The following EYA1 variants were observed in gnomAD, a reference collection of about 807,000 sequenced individuals.
EYA1 encodes the protein EYA transcriptional coactivator and phosphatase 1, also known as protein phosphatase EYA1.
EYA1 carries 16 observed loss-of-function variants against 82.0 expected under a neutral mutation model. The ratio of observed to expected loss-of-function variants is 0.20; its 90% CI spans 0.13 to 0.30. The LOEUF (loss-of-function observed/expected upper bound fraction) is 0.30, where lower values mean the gene tolerates loss of function less well. EYA1 is among the 10% of genes least tolerant of loss of function. EYA1 has a pLI of 1.00. For missense variants in EYA1, 633 were observed against 730.7 expected (o/e 0.87, Z 1.54); for synonymous variants, 261 against 264.4 (o/e 0.99, Z 0.12).
At chr8:71,218,895 AAGG>A (rs35710186) in intron 12 of EYA1, among the ~76,000 whole-genome samples, 18,307 of 151,956 alleles carry the variant, frequency 0.12, 1,928 homozygotes, top group East Asian at 0.54. Context: ...AATGAACAAA[AAGG>A]AGGAGGAAGT....
chr8:71,263,046 C>T (rs987955053), intron 11 of EYA1, among the ~76,000 whole-genome samples: 5 of 152,198 alleles, frequency 3.3e-5, no homozygotes, highest in Admixed American at 6.5e-5. Context: ...GTCAGTGTGG[C>T]TAGAGCTGCA....
intron 2 of EYA1, among the ~76,000 whole-genome samples, chr8:71,485,854 A>AT (rs1225719711): frequency 1.3e-5 from 2 of 152,184 alleles, no homozygotes; most frequent in African/African-American, 2.4e-5. Context: ...CATGGATGGC[A>AT]TTTTTTATGA....
chr8:71,265,579 T>C (rs973512816), intron 11 of EYA1, among the ~76,000 whole-genome samples: 16 of 152,186 alleles, frequency 1.1e-4, no homozygotes, highest in African/African-American at 3.4e-4. Flanking sequence ...TGGGTAATCC[T>C]CCCACAGGAG....
chr8:71,423,273 A>C (rs944562703), intron 2 of EYA1, among the ~76,000 whole-genome samples: 1 of 152,240 alleles, frequency 6.6e-6, no homozygotes, highest in Non-Finnish European at 1.5e-5. Flanking sequence ...GATTGAATGG[A>C]AACAGCATAC....
At chr8:71,380,360 A>T (rs956662815) in intron 2 of EYA1, among the ~76,000 whole-genome samples, 4 of 152,168 alleles carry the variant, frequency 2.6e-5, no homozygotes, top group African/African-American at 9.7e-5. Flanking sequence ...CACGTAGCTC[A>T]TAGTTTTTAT....
chr8:71,241,856 A>G (rs1812516204), intron 12 of EYA1, among the ~76,000 whole-genome samples: 1 of 151,126 alleles, frequency 6.6e-6, no homozygotes, highest in Non-Finnish European at 1.5e-5. Context: ...TTTTATTTTG[A>G]AGAAAACATA....
In EYA1 at chr8:71,215,701, G is replaced by A. The variant is rs1201441499; in HGVS notation, c.1388C>T (p.Ala463Val). Residue 463 changes from alanine (A) to valine (V), a missense_variant, in exon 15 of 18, where the codon GCC becomes GTC. By Grantham distance (64) the Ala-to-Val change is moderately conservative. Transcript: ENST00000340726. The stretch of plus-strand genomic sequence containing the variant: ...AATTTCGGCCCTCAACTGCAGCCAG[G>A]CTTCCCTCTTAGCTGGACCAAGCAG... ...GGLLGPAKRE[A>V]WLQLRAEIEA... The A allele has an allele frequency of 6.2e-7, 1 of 1,614,046 alleles. No individual in the cohort carries two copies. Among genetic ancestry groups the A allele is most frequent in the Admixed American group, 1.7e-5 (1 of 60,010 alleles).
chr8:71,226,745 T>C (rs947987605), intron 12 of EYA1, among the ~76,000 whole-genome samples: 2 of 151,330 alleles, frequency 1.3e-5, no homozygotes, highest in Non-Finnish European at 3.0e-5. Flanking sequence ...TATCAATACT[T>C]GTAAATTTCT....
At chr8:71,326,291 C>T (rs1823133743) in intron 4 of EYA1, among the ~76,000 whole-genome samples, 1 of 152,166 alleles carries the variant, frequency 6.6e-6, no homozygotes, top group African/African-American at 2.4e-5. Flanking sequence ...TTCAGCCAAT[C>T]AGGTCAAAAG....
intron 2 of EYA1, among the ~76,000 whole-genome samples, chr8:71,453,804 C>T (rs1263960061): frequency 6.6e-6 from 1 of 152,144 alleles, no homozygotes; most frequent in Non-Finnish European, 1.5e-5. Context: ...AGGTACGAGC[C>T]ACTGCAAAAA....
chr8:71,304,519 T>G lies in EYA1; in HGVS notation c.557-4799A>C, dbSNP rs77912194. Among the ~76,000 whole-genome samples, 77 of 143,004 alleles carry G rather than the reference T, an allele frequency of 5.4e-4. 10 individuals carry two copies. In the East Asian group the frequency reaches 0.015, roughly 28 times the overall value. The allele number at this position is 143,004 out of a possible 152,430, so 93.8% of individuals were successfully genotyped here. On this transcript the variant is annotated intron_variant, in intron 7 of 17. Transcript: ENST00000340726. ...ATTCTTCCTAGGCAAATACCTGGGCTTCCCTTTCAGACACAGAAATCAGTC... is the reference window on the plus strand; with the variant it reads ...ATTCTTCCTAGGCAAATACCTGGGCGTCCCTTTCAGACACAGAAATCAGTC...
In EYA1 at chr8:71,468,765, C is replaced by T. The variant is rs113464125; in HGVS notation, c.33+66979G>A. On this transcript the variant is annotated intron_variant, in intron 2 of 18. Transcript: ENST00000643681. Reference sequence around the variant, plus strand: ...TCACCATGACAACTTTCCCTACTGCCCCAGCCTTTGAGATAACGTGCTCCT... The same window carrying T: ...TCACCATGACAACTTTCCCTACTGCTCCAGCCTTTGAGATAACGTGCTCCT... 2.0e-3 allele frequency among the ~76,000 whole-genome samples: 309 copies of T among 152,144 alleles called. 1 individual carries two copies. The highest frequency in any genetic ancestry group is 6.9e-3 in the African/African-American group (286 of 41,524).
chr8:71,364,970 A>G (rs888330737), upstream of EYA1, among the ~76,000 whole-genome samples: 1 of 138,992 alleles, frequency 7.2e-6, no homozygotes. Flanking sequence ...ATATATATAT[A>G]TATATATATA....
At position 71,378,510 on chromosome 8, in the gene EYA1, A is replaced by G. The variant is rs1399181914; in HGVS notation, c.34-21999T>C. Among the ~76,000 whole-genome samples the G allele has an allele frequency of 3.9e-5, 6 of 152,296 alleles. No individual in the cohort carries two copies. The South Asian group carries it at 1.0e-3, about 26-fold the overall frequency. On this transcript the variant is annotated intron_variant, in intron 2 of 18. Transcript: ENST00000643681. ...AAAACCAGTAATCTTGCCTAGTATG[A>G]GGTGATATTTTCTTGGGATCTGATC...
At chr8:71,283,763 T>C (rs1226428197) in intron 9 of EYA1, among the ~76,000 whole-genome samples, 1 of 152,072 alleles carries the variant, frequency 6.6e-6, no homozygotes, top group East Asian at 1.9e-4. Context: ...ATTGAAACAG[T>C]GCAAAGCCAG....
chr8:71,343,319 G>C (rs1246410083), intron 3 of EYA1, among the ~76,000 whole-genome samples: 1 of 152,168 alleles, frequency 6.6e-6, no homozygotes, highest in Non-Finnish European at 1.5e-5. Flanking sequence ...GCTATGGTTT[G>C]AGTATGTATT....
intron 3 of EYA1, among the ~76,000 whole-genome samples, chr8:71,353,222 G>T (rs564638530): frequency 8.9e-4 from 136 of 152,300 alleles, no homozygotes; most frequent in African/African-American, 3.2e-3. Flanking sequence ...GCCTGCCGGC[G>T]CAGGGACCTG....
At chr8:71,289,235 T>C (rs953284859) in intron 9 of EYA1, among the ~76,000 whole-genome samples, 1 of 152,176 alleles carries the variant, frequency 6.6e-6, no homozygotes, top group African/African-American at 2.4e-5. Context: ...CGGAGTGAAC[T>C]GATTCAGGAA....
chr8:71,236,533 T>C (rs1475204083), intron 12 of EYA1, among the ~76,000 whole-genome samples: 1 of 152,186 alleles, frequency 6.6e-6, no homozygotes, highest in Non-Finnish European at 1.5e-5. Flanking sequence ...ATTGGATATT[T>C]AAAATATTTC....
Sources: allele counts gnomAD v4.1 joint callset (sites outside exome capture counted in the v4.1 genomes callset), GRCh38; gene constraint gnomAD v4.1.1; transcripts MANE v1.5; gene names NCBI Gene and HGNC (gene_info 2026-07-23, HGNC 2026-07-21).